KIAA1328: variants seen among roughly 807,000 people sequenced by gnomAD.
The protein encoded by KIAA1328 is protein hinderin.
Under a neutral mutation model 68.1 loss-of-function variants are expected in KIAA1328, and 52 were observed. The observed-to-expected ratio is 0.76, with a 90% CI of 0.61 to 0.96. The LOEUF is 0.96. Among genes scored for constraint, KIAA1328 ranks in the 40% least tolerant of loss-of-function variants. KIAA1328 has a pLI of 0.00. For missense variants in KIAA1328, 641 were observed against 677.6 expected, an observed-to-expected ratio of 0.95 and a Z score of 0.60; for synonymous variants, 232 against 239.4, an observed-to-expected ratio of 0.97 and a Z score of 0.28.
At chr18:37,163,879 A>C (rs1157940375) in intron 8 of KIAA1328, among the ~76,000 whole-genome samples, 1 of 152,222 alleles carries the variant, frequency 6.6e-6, no homozygotes, top group Non-Finnish European at 1.5e-5. Context: ...GATATGCTAA[A>C]AGTTGATGTC....
chr18:36,859,467 A>G (rs1021229276), intron 4 of KIAA1328, among the ~76,000 whole-genome samples: 1 of 151,766 alleles, frequency 6.6e-6, no homozygotes, highest in African/African-American at 2.4e-5. Context: ...AAAAAAAATG[A>G]TCAGTTCCCT....
At chr18:36,843,466 A>G (rs542010793) in intron 3 of KIAA1328, among the ~76,000 whole-genome samples, 1 of 152,258 alleles carries the variant, frequency 6.6e-6, no homozygotes, top group South Asian at 2.1e-4. Flanking sequence ...CCCTGAGTTT[A>G]TGTCTTTAAG....
At chr18:36,926,125 C>A (rs546426634) in intron 5 of KIAA1328, among the ~76,000 whole-genome samples, 1 of 151,846 alleles carries the variant, frequency 6.6e-6, no homozygotes, top group African/African-American at 2.4e-5. Context: ...GCTTCTTGTT[C>A]GAAAGGGTTA....
chr18:36,859,938 G>A (rs1359693008), intron 4 of KIAA1328, among the ~76,000 whole-genome samples: 2 of 139,040 alleles, frequency 1.4e-5, no homozygotes, highest in African/African-American at 5.4e-5. Context: ...TTTTTTTAAT[G>A]TGTACTTATA....
intron 7 of KIAA1328, among the ~76,000 whole-genome samples, chr18:37,082,399 T>G (rs1180024368): frequency 2.0e-5 from 3 of 152,142 alleles, no homozygotes; most frequent in African/African-American, 7.2e-5. Context: ...CTCAAACTCC[T>G]TACCTCAGGT....
At chr18:37,119,181 A>G (rs2058202631) in intron 7 of KIAA1328, among the ~76,000 whole-genome samples, 1 of 152,216 alleles carries the variant, frequency 6.6e-6, no homozygotes, top group Non-Finnish European at 1.5e-5. Context: ...AGGAAAATCC[A>G]TATATAGAGT....
At chr18:37,150,887 A>C (rs2059013991) in intron 7 of KIAA1328, among the ~76,000 whole-genome samples, 1 of 152,148 alleles carries the variant, frequency 6.6e-6, no homozygotes, top group South Asian at 2.1e-4. Flanking sequence ...CTTTAATAAC[A>C]AACACTTTTA....
downstream of KIAA1328, among the ~76,000 whole-genome samples, chr18:37,229,322 T>G (rs1297319192): frequency 6.6e-6 from 1 of 152,188 alleles, no homozygotes; most frequent in East Asian, 1.9e-4. Flanking sequence ...AGGCCTTTTT[T>G]CATAGTTTTC....
intron 5 of KIAA1328, among the ~76,000 whole-genome samples, chr18:36,927,545 G>A (rs1175328560): frequency 2.0e-5 from 3 of 152,084 alleles, no homozygotes; most frequent in African/African-American, 7.2e-5. Context: ...TCAGGTGTTC[G>A]AGACTAGTCT....
At chr18:37,157,807 CAAAAAAAAAAAA>C (rs542590805) in intron 7 of KIAA1328, among the ~76,000 whole-genome samples, 3 of 55,404 alleles carry the variant, frequency 5.4e-5, no homozygotes, top group Admixed American at 2.3e-4. Context: ...GACTCCTCTC[CAAAAAAAAAAAA>C]AAAAAAAAAA....
At chr18:36,907,298 G>A (rs1340174019) in intron 5 of KIAA1328, among the ~76,000 whole-genome samples, 1 of 151,730 alleles carries the variant, frequency 6.6e-6, no homozygotes, top group East Asian at 1.9e-4. Context: ...TTGCCTTGTT[G>A]CACTAACTAG....
At chr18:37,010,441 T>TA (rs59927777) in intron 6 of KIAA1328, among the ~76,000 whole-genome samples, 1,127 of 90,258 alleles carry the variant, frequency 0.012, 96 homozygotes, top group African/African-American at 0.057. Flanking sequence ...AGACACCATC[T>TA]AAAAAAAAAA....
chr18:36,870,997 C>G (rs1024736205), intron 4 of KIAA1328, among the ~76,000 whole-genome samples: 7 of 152,200 alleles, frequency 4.6e-5, no homozygotes, highest in Admixed American at 1.3e-4. Context: ...CCAGCTGTGG[C>G]TGCCCCAGGT....
At chr18:37,130,825 T>C (rs991977761) in intron 7 of KIAA1328, among the ~76,000 whole-genome samples, 2 of 152,192 alleles carry the variant, frequency 1.3e-5, no homozygotes, top group Admixed American at 1.3e-4. Flanking sequence ...TCTGGAGCCC[T>C]GTGACTCAAA....
At chr18:36,840,458 A>G (rs1433313801) in intron 3 of KIAA1328, among the ~76,000 whole-genome samples, 1 of 133,256 alleles carries the variant, frequency 7.5e-6, no homozygotes, top group Non-Finnish European at 1.6e-5. Flanking sequence ...ATGTCTTGTG[A>G]TTTTTTTTTT....
At chr18:37,033,812 C>G (rs1168524326) in intron 6 of KIAA1328, among the ~76,000 whole-genome samples, 2 of 152,228 alleles carry the variant, frequency 1.3e-5, no homozygotes, top group Non-Finnish European at 2.9e-5. Context: ...GGATTTCTCT[C>G]ACTGAACGAT....
intron 9 of KIAA1328, among the ~76,000 whole-genome samples, chr18:37,181,193 TA>T (rs1351517596): frequency 1.3e-5 from 2 of 152,074 alleles, no homozygotes; most frequent in African/African-American, 4.8e-5. Context: ...ATAATAAAAT[TA>T]AAACCAAATG....
At chr18:36,976,357 A>G (rs1395177802) in intron 6 of KIAA1328, among the ~76,000 whole-genome samples, 1 of 152,154 alleles carries the variant, frequency 6.6e-6, no homozygotes, top group African/African-American at 2.4e-5. Flanking sequence ...TGTTTTTCAG[A>G]AAAAATTGGT....
chr18:37,069,751 C>A (rs985053835), intron 7 of KIAA1328, among the ~76,000 whole-genome samples: 8 of 152,062 alleles, frequency 5.3e-5, no homozygotes, highest in African/African-American at 1.9e-4. Context: ...CAGGTTTGTT[C>A]ATTTTAATTA....
Sources: gnomAD v4.1 joint callset for allele counts (sites outside exome capture counted in the v4.1 genomes callset) on GRCh38, gnomAD v4.1.1 for gene constraint, MANE v1.5 for transcripts, NCBI Gene and HGNC (gene_info 2026-07-23, HGNC 2026-07-21) for gene names.